The following GRIN2B variants were observed in gnomAD, a reference collection of about 807,000 sequenced individuals.
GRIN2B encodes glutamate receptor ionotropic, NMDA 2B.
A neutral mutation model predicts 114.5 loss-of-function variants in GRIN2B; 5 were observed. The ratio of observed to expected loss-of-function variants is 0.04; its 90% CI spans 0.02 to 0.09. The LOEUF is 0.09. GRIN2B is among the 10% of genes least tolerant of loss of function. The pLI is 1.00. For synonymous variants in GRIN2B, 787 were observed against 745.1 expected (o/e 1.06, Z -0.92); for missense variants, 1,108 against 1,943.5 (o/e 0.57, Z 8.08).
intron 5 of GRIN2B, among the ~76,000 whole-genome samples, chr12:13,650,673 C>A (rs1949804977): frequency 6.6e-6 from 1 of 152,046 alleles, no homozygotes; most frequent in Admixed American, 6.6e-5. Context: ...TGAGGTCTGC[C>A]TTACTTAAAA....
chr12:13,584,567 C>G (rs1464974153), intron 10 of GRIN2B, among the ~76,000 whole-genome samples: 1 of 152,216 alleles, frequency 6.6e-6, no homozygotes, highest in Non-Finnish European at 1.5e-5. Context: ...AGATCTAGGG[C>G]AAGCCTAGCA....
At chr12:13,815,327 G>T (rs927403011) in intron 3 of GRIN2B, among the ~76,000 whole-genome samples, 2 of 151,834 alleles carry the variant, frequency 1.3e-5, no homozygotes, top group Non-Finnish European at 2.9e-5. Flanking sequence ...ACCTCTGAGA[G>T]TATGTTTCAG....
chr12:13,647,706 G>T (rs939124195), intron 5 of GRIN2B, among the ~76,000 whole-genome samples: 2 of 151,924 alleles, frequency 1.3e-5, no homozygotes, highest in African/African-American at 2.4e-5. Flanking sequence ...TTGAAGAGAG[G>T]TCCACACCCA....
intron 5 of GRIN2B, among the ~76,000 whole-genome samples, chr12:13,632,064 A>C (rs1949619815): frequency 6.6e-6 from 1 of 152,134 alleles, no homozygotes; most frequent in Admixed American, 6.5e-5. Context: ...AGAAAACAAA[A>C]CCCCAAACAA....
intron 2 of GRIN2B, among the ~76,000 whole-genome samples, chr12:13,874,246 G>A (rs901451439): frequency 6.6e-6 from 1 of 152,316 alleles, no homozygotes; most frequent in South Asian, 2.1e-4. Context: ...TGTCCTTACA[G>A]CACTTCCAGT....
intron 3 of GRIN2B, among the ~76,000 whole-genome samples, chr12:13,764,143 G>A (rs868850780): frequency 6.9e-5 from 10 of 145,836 alleles, no homozygotes; most frequent in Non-Finnish European, 1.2e-4. Context: ...AATTGTGTCC[G>A]CAGTCCTAGA....
At chr12:13,827,280 G>T (rs1178969196) in intron 3 of GRIN2B, among the ~76,000 whole-genome samples, 4 of 87,598 alleles carry the variant, frequency 4.6e-5, no homozygotes, top group African/African-American at 9.2e-5. Context: ...TAAATCTGTT[G>T]ATTTATAGTT....
chr12:13,683,782 A>T (rs143002044), intron 4 of GRIN2B: 1 of 152,336 alleles, frequency 6.6e-6, no homozygotes, highest in Non-Finnish European at 1.5e-5. Context: ...AGCTCTCAAC[A>T]TATATAAAGG....
At chr12:13,609,820 G>A (rs1949341188) in intron 9 of GRIN2B, among the ~76,000 whole-genome samples, 1 of 151,478 alleles carries the variant, frequency 6.6e-6, no homozygotes, top group Admixed American at 6.6e-5. Flanking sequence ...GGAAGTCATA[G>A]AATCCTGGCC....
At chr12:13,934,482 C>T (rs1178981793) in intron 2 of GRIN2B, among the ~76,000 whole-genome samples, 1 of 152,190 alleles carries the variant, frequency 6.6e-6, no homozygotes, top group Non-Finnish European at 1.5e-5. Context: ...GGTTAAGTAA[C>T]TTACACAAGA....
intron 2 of GRIN2B, among the ~76,000 whole-genome samples, chr12:13,915,259 C>T (rs897189173): frequency 6.6e-6 from 1 of 152,170 alleles, no homozygotes. Flanking sequence ...CAAAAGCAAA[C>T]AACATAGTTC....
intron 2 of GRIN2B, among the ~76,000 whole-genome samples, chr12:13,888,140 A>C (rs187386885): frequency 1.4e-4 from 21 of 152,292 alleles, no homozygotes; most frequent in African/African-American, 5.1e-4. Flanking sequence ...TGTTTAACCC[A>C]AAAAAATCAA....
At chr12:13,926,199 C>A (rs1314079575) in intron 2 of GRIN2B, among the ~76,000 whole-genome samples, 1 of 152,078 alleles carries the variant, frequency 6.6e-6, no homozygotes, top group African/African-American at 2.4e-5. Flanking sequence ...ACAGAATGAC[C>A]AGGCCAGGGA....
chr12:13,569,815 C>T lies in GRIN2B; in HGVS notation c.2359+15G>A. 3 of 1,554,510 alleles carry T rather than the reference C, an allele frequency of 1.9e-6. No individual in the cohort carries two copies. The highest frequency in any genetic ancestry group is 2.7e-5 in the African/African-American group (2 of 73,306). On this transcript the variant is annotated intron_variant, in intron 12 of 13. Transcript: ENST00000609686. The stretch of plus-strand genomic sequence containing the variant: ...AGTAGAGGACAAATGGGCACTTTCC[C>T]TTTCTTGAACTCACCATCTCCAAAG...
chr12:13,688,363 C>T (rs1156790557), intron 4 of GRIN2B, among the ~76,000 whole-genome samples: 1 of 152,102 alleles, frequency 6.6e-6, no homozygotes, highest in African/African-American at 2.4e-5. Context: ...CATAAAGAGG[C>T]CTACAGGAAA....
chr12:13,667,317 C>T lies in GRIN2B; in HGVS notation c.1125+8428G>A, dbSNP rs1036473376. 6.6e-5 allele frequency among the ~76,000 whole-genome samples: 10 copies of T among 152,092 alleles called. 1 individual carries two copies. The highest frequency in any genetic ancestry group is 1.9e-4 in the African/African-American group (8 of 41,422). On this transcript the variant is annotated intron_variant, in intron 5 of 13. Coordinates refer to ENST00000609686, the MANE Select transcript of GRIN2B (RefSeq NM_000834.5). Reference sequence around the variant, plus strand: ...AACCCTCTGGGACTCCTAGCAGACCCGAAATAACAAAGGACAGCCTTCCAC... The same window carrying T: ...AACCCTCTGGGACTCCTAGCAGACCTGAAATAACAAAGGACAGCCTTCCAC...
chr12:13,581,197 GC>G (rs1591618193), intron 10 of GRIN2B, among the ~76,000 whole-genome samples: 1 of 152,130 alleles, frequency 6.6e-6, no homozygotes, highest in Admixed American at 6.5e-5. Context: ...TGAGTCATAT[GC>G]CCCATGCTCC....
At chr12:13,805,099 T>C (rs926603601) in intron 3 of GRIN2B, among the ~76,000 whole-genome samples, 1 of 152,204 alleles carries the variant, frequency 6.6e-6, no homozygotes, top group Non-Finnish European at 1.5e-5. Flanking sequence ...CATTTTTTAG[T>C]ATTTATTTAG....
At chr12:13,668,760 T>C (rs1048565691) in intron 5 of GRIN2B, among the ~76,000 whole-genome samples, 2 of 151,984 alleles carry the variant, frequency 1.3e-5, no homozygotes, top group East Asian at 3.9e-4. Flanking sequence ...TATAGAAATG[T>C]TAAACATCAC....
Sources: allele counts gnomAD v4.1 joint callset (sites outside exome capture counted in the v4.1 genomes callset), GRCh38; gene constraint gnomAD v4.1.1; transcripts MANE v1.5; gene names NCBI Gene and HGNC (gene_info 2026-07-23, HGNC 2026-07-21).